The following SMARCB1 variants were observed in gnomAD, a reference collection of about 807,000 sequenced individuals.
SMARCB1 encodes SWI/SNF-related matrix-associated actin-dependent regulator of chromatin subfamily B member 1.
Under a neutral mutation model 49.0 loss-of-function variants are expected in SMARCB1, and 5 were observed. The ratio of observed to expected loss-of-function variants is 0.10; its 90% confidence interval spans 0.05 to 0.21. SMARCB1 has a LOEUF of 0.21. SMARCB1 is among the 10% of genes least tolerant of loss of function. The pLI is 1.00. For synonymous variants in SMARCB1, 201 were observed against 200.1 expected (o/e 1.00, Z -0.04); for missense variants, 226 against 509.2 (o/e 0.44, Z 5.35).
chr22:23,802,665 C>T (rs563164654), intron 4 of SMARCB1: 3 of 176,686 alleles, frequency 1.7e-5, no homozygotes, highest in Admixed American at 5.4e-5. Flanking sequence ...CTCCCAGACG[C>T]CCTTAGGTGT....
rs1376932979 is a variant in SMARCB1 at position 23,835,576 on chromosome 22, C to T, written c.*1396C>T. The T allele has an allele frequency of 4.1e-6, 4 of 985,528 alleles. No individual in the cohort carries two copies. Among genetic ancestry groups the T allele is most frequent in the Non-Finnish European group, 4.8e-6 (4 of 829,962 alleles). The allele number at this position is 985,528 out of a possible 1,614,324, so 61.0% of individuals were successfully genotyped here. On this transcript the variant is annotated 3_prime_UTR_variant, in exon 9 of 9. Coordinates refer to ENST00000644036, the MANE Select transcript of SMARCB1 (RefSeq NM_003073.5). ...GGAGTTTGCACTCAGGGCCTCTGCC[C>T]TCCATCAAAGAGTGGAACTCCCCAG... is the stretch of plus-strand genomic sequence containing the variant.
intron 7 of SMARCB1, among the ~76,000 whole-genome samples, chr22:23,826,628 A>G (rs2030395602): frequency 1.3e-5 from 2 of 152,208 alleles, no homozygotes; most frequent in African/African-American, 2.4e-5. Context: ...TCACTCAGGG[A>G]TGACAGCTTA....
chr22:23,790,941 C>T (rs754501385), intron 1 of SMARCB1, among the ~76,000 whole-genome samples: 1 of 152,104 alleles, frequency 6.6e-6, no homozygotes, highest in Non-Finnish European at 1.5e-5. Context: ...AGTGGTCCTT[C>T]ATGGGGGTGA....
intron 2 of SMARCB1, 134 bp downstream of exon 2, chr22:23,792,028 C>T (rs548947912): frequency 8.7e-6 from 8 of 924,712 alleles, no homozygotes; most frequent in South Asian, 8.2e-5. Context: ...CGGGGTGGGC[C>T]GCCCTGTGAG....
chr22:23,820,172 G>T (rs74511135), intron 6 of SMARCB1, among the ~76,000 whole-genome samples: 18,835 of 152,156 alleles, frequency 0.12, 1,250 homozygotes, highest in South Asian at 0.27. Context: ...TTCATAAGGG[G>T]TGTAGGTCTG....
intron 1 of SMARCB1, 78 bp from the exon 2 acceptor site, chr22:23,791,678 G>C: frequency 2.8e-6 from 4 of 1,426,994 alleles, no homozygotes; most frequent in Non-Finnish European, 3.9e-6. Flanking sequence ...TCTGTTGCTT[G>C]ATGCAGTCTG....
chr22:23,788,943 A>G (rs34863759), intron 1 of SMARCB1, among the ~76,000 whole-genome samples: 2,809 of 151,744 alleles, frequency 0.019, 61 homozygotes, highest in South Asian at 0.11. Flanking sequence ...TCCGCCTCCC[A>G]GGCTCAAGCC....
chr22:23,821,071 C>T (rs1487775623), intron 6 of SMARCB1, among the ~76,000 whole-genome samples: 1 of 152,248 alleles, frequency 6.6e-6, no homozygotes, highest in Non-Finnish European at 1.5e-5. Flanking sequence ...TGCCCAGCAG[C>T]TGTAATCCTC....
intron 6 of SMARCB1, among the ~76,000 whole-genome samples, chr22:23,820,149 T>C (rs1266132113): frequency 6.6e-6 from 1 of 152,188 alleles, no homozygotes; most frequent in East Asian, 1.9e-4. Context: ...TTTTGAGGAT[T>C]TTTGCATCAA....
rs114027636 is a variant in SMARCB1, at chr22:23,799,233, C to T, written c.363-1711C>T. Among the ~76,000 whole-genome samples the T allele has an allele frequency of 5.8e-3, 885 of 151,938 alleles. 7 individuals carry two copies. The highest frequency in any genetic ancestry group is 0.022 in the South Asian group (107 of 4,812). ...AGCACAACGGGCACCCAAATGCTCT[C>T]ATCTGTTTCACCCAGCCCTGGAGCC... On this transcript the variant is annotated intron_variant, in intron 3 of 8. Transcript: ENST00000644036.
Position 23,835,775 on chromosome 22 carries a change from C to T in SMARCB1, c.*1595C>T. The T allele has an allele frequency of 1.0e-6, 1 of 985,482 alleles. No individual in the cohort carries two copies. Among genetic ancestry groups the T allele is most frequent in the Non-Finnish European group, 1.2e-6 (1 of 829,950 alleles). 61.0% of individuals were successfully genotyped at this position (985,482 alleles called of 1,614,324 possible). A position where few individuals can be genotyped will look rare whatever the true frequency, so the allele number is the denominator to read the frequency against. On this transcript the variant is annotated 3_prime_UTR_variant, in exon 9 of 9. Coordinates refer to ENST00000644036, the MANE Select transcript of SMARCB1 (RefSeq NM_003073.5). ...AGGGTGAGGCAGCCCTGTGTCTCCA[C>T]AACTGGGGGGATGGAAGGAACCTTG...
chr22:23,801,215 C>T (rs1219569187), intron 4 of SMARCB1, 134 bp downstream of exon 4: 1 of 1,243,224 alleles, frequency 8.0e-7, no homozygotes, highest in Non-Finnish European at 1.2e-6. Flanking sequence ...TACCTCCTCG[C>T]CTTTGAACTG....
chr22:23,803,344 G>C lies in SMARCB1; in HGVS notation c.550G>C (p.Glu184Gln). The change falls in exon 5 of 9, where the codon GAG becomes CAG. Residue 184 changes from glutamate to glutamine, a missense_variant. By Grantham distance (29) the Glu-to-Gln change is conservative. Coordinates refer to ENST00000644036, the MANE Select transcript of SMARCB1 (RefSeq NM_003073.5). ...GATCCATGAGAACGCATCTCAGCCCGAGGTGCTGGTCCCCATCCGGCTGGA... is the reference window on the plus strand; with the variant it reads ...GATCCATGAGAACGCATCTCAGCCCCAGGTGCTGGTCCCCATCCGGCTGGA... Reference protein sequence around the residue: ...AVIHENASQPEVLVPIRLDME... With the variant: ...AVIHENASQPQVLVPIRLDME... 1 of 1,614,198 alleles carries C rather than the reference G, an allele frequency of 6.2e-7. No individual in the cohort carries two copies. The highest frequency in any genetic ancestry group is 8.5e-7 in the Non-Finnish European group (1 of 1,180,040).
At chr22:23,804,300 GCTCAA>G (rs1219642964) in intron 5 of SMARCB1, 3 of 151,558 alleles carry the variant, frequency 2.0e-5, no homozygotes, top group African/African-American at 7.3e-5. Flanking sequence ...AACTGCCTGG[GCTCAA>G]GCAGTCCTCC....
chr22:23,825,691 G>A, intron 7 of SMARCB1: 1 of 503,662 alleles, frequency 2.0e-6, no homozygotes, highest in Non-Finnish European at 3.6e-6. Context: ...ACGGAGCCCT[G>A]GCCTGCCCCC....
chr22:23,831,438 C>T lies in SMARCB1; in HGVS notation c.987-2134C>T, dbSNP rs533319278. ...GAAGGTCTGGGGTCCCTGGCGGCTT[C>T]GAAGCCCGTGAACCAGAATTCCCTG... On this transcript the variant is annotated intron_variant, in intron 7 of 8. Coordinates refer to ENST00000644036, the MANE Select transcript of SMARCB1 (RefSeq NM_003073.5). Among the ~76,000 whole-genome samples, 493 of 152,210 alleles carry T rather than the reference C, an allele frequency of 3.2e-3. 3 individuals carry two copies. Among genetic ancestry groups the T allele is most frequent in the Non-Finnish European group, 5.6e-3 (382 of 68,016 alleles).
At chr22:23,814,342 C>T (rs1849689397) in intron 5 of SMARCB1, among the ~76,000 whole-genome samples, 1 of 152,168 alleles carries the variant, frequency 6.6e-6, no homozygotes, top group African/African-American at 2.4e-5. Context: ...ACAGCTCATT[C>T]AACAAAATGG....
In SMARCB1 at chr22:23,836,062, GT is replaced by G; in HGVS notation, c.*1883del. The G allele has an allele frequency of 1.0e-6, 1 of 985,522 alleles. No homozygotes were observed. The highest frequency in any genetic ancestry group is 1.2e-6 in the Non-Finnish European group (1 of 829,968). 61.0% of individuals were successfully genotyped at this position (985,522 alleles called of 1,614,324 possible). A position where few individuals can be genotyped will look rare whatever the true frequency, so the allele number is the denominator to read the frequency against. ...TTAGAACAACAAGGAAAGCTGCCAG[GT>G]CAGAAGAGAAAAATGAGCCACAGGG... is the stretch of plus-strand genomic sequence containing the variant. On this transcript the variant is annotated 3_prime_UTR_variant, in exon 9 of 9. Transcript: ENST00000644036.
Position 23,836,602 on chromosome 22 carries a change from C to T in SMARCB1, c.*2422C>T, listed in dbSNP as rs2146057984. Reference sequence around the variant, plus strand: ...TCTGCCAGGCAACCATGGGCAGTTTCTTTGCCCTCTGTGGGCACCCCTATC... The same window carrying T: ...TCTGCCAGGCAACCATGGGCAGTTTTTTTGCCCTCTGTGGGCACCCCTATC... On this transcript the variant is annotated 3_prime_UTR_variant, in exon 9 of 9. Coordinates refer to ENST00000644036, the MANE Select transcript of SMARCB1 (RefSeq NM_003073.5). The T allele has an allele frequency of 8.4e-7, 1 of 1,191,746 alleles. No homozygotes were observed. Among genetic ancestry groups the T allele is most frequent in the East Asian group, 3.8e-5 (1 of 26,344 alleles). The allele number at this position is 1,191,746 out of a possible 1,614,324, so 73.8% of individuals were successfully genotyped here. A position where few individuals can be genotyped will look rare whatever the true frequency, so the allele number is the denominator to read the frequency against.
Sources: gnomAD v4.1 joint callset for allele counts (sites outside exome capture counted in the v4.1 genomes callset) on GRCh38, gnomAD v4.1.1 for gene constraint, MANE v1.5 for transcripts, NCBI Gene and HGNC (gene_info 2026-07-23, HGNC 2026-07-21) for gene names.